Variants in KHDRBS2 observed in about 807,000 individuals in gnomAD.
KHDRBS2 encodes KH RNA binding domain containing, signal transduction associated 2, also known as KH domain-containing, RNA-binding, signal transduction-associated protein 2.
KHDRBS2 carries 26 observed loss-of-function variants against 44.3 expected under a neutral mutation model. That is an observed-to-expected ratio of 0.59 (90% confidence interval 0.43 to 0.81). The LOEUF is 0.81. Ranked by LOEUF, KHDRBS2 falls within the 40% of genes least tolerant of loss-of-function variation. KHDRBS2 has a pLI of 0.00. For synonymous variants in KHDRBS2, 194 were observed against 151.1 expected, an observed-to-expected ratio of 1.28 and a Z score of -2.08; for missense variants, 476 against 433.1, an observed-to-expected ratio of 1.10 and a Z score of -0.88.
the KHDRBS2 span, among the ~76,000 whole-genome samples, chr6:61,674,876 T>G: frequency 1.3e-5 from 2 of 151,702 alleles, no homozygotes; most frequent in South Asian, 2.1e-4. Context: ...ATAGAGAGAA[T>G]GATATAAGGA....
At chr6:61,716,423 T>C (rs1418941277) in intron 7 of KHDRBS2, among the ~76,000 whole-genome samples, 1 of 152,034 alleles carries the variant, frequency 6.6e-6, no homozygotes, top group Non-Finnish European at 1.5e-5. Flanking sequence ...AAAAAATTCC[T>C]GAGCATAGTA....
At chr6:62,173,021 A>G (rs1163594453) in intron 2 of KHDRBS2, among the ~76,000 whole-genome samples, 1 of 152,036 alleles carries the variant, frequency 6.6e-6, no homozygotes, top group African/African-American at 2.4e-5. Flanking sequence ...CATGACACCT[A>G]GAGGAAGTAG....
At chr6:62,151,564 C>T (rs906883946) in intron 2 of KHDRBS2, among the ~76,000 whole-genome samples, 7 of 152,120 alleles carry the variant, frequency 4.6e-5, no homozygotes, top group African/African-American at 1.4e-4. Context: ...TAATCTTCTC[C>T]AGGCCTATAT....
intron 2 of KHDRBS2, among the ~76,000 whole-genome samples, chr6:62,086,029 C>T (rs1798312656): frequency 1.3e-5 from 2 of 151,984 alleles, no homozygotes; most frequent in African/African-American, 4.8e-5. Context: ...TGAAAGGGTG[C>T]TAAGTGGAAA....
chr6:61,970,694 A>C (rs1771191708), intron 4 of KHDRBS2, among the ~76,000 whole-genome samples: 1 of 152,080 alleles, frequency 6.6e-6, no homozygotes, highest in Non-Finnish European at 1.5e-5. Flanking sequence ...TGAAATTAAG[A>C]CTCAAACCAA....
chr6:62,210,246 G>C (rs1250287810), intron 1 of KHDRBS2, among the ~76,000 whole-genome samples: 3 of 150,894 alleles, frequency 2.0e-5, no homozygotes, highest in Admixed American at 2.0e-4. Context: ...ATTTAGTTCT[G>C]ATAAGCAGAA....
chr6:61,741,381 T>G (rs1009820194), intron 6 of KHDRBS2, among the ~76,000 whole-genome samples: 1 of 151,952 alleles, frequency 6.6e-6, no homozygotes, highest in Non-Finnish European at 1.5e-5. Context: ...ATAAAAATAG[T>G]TTAGAAACAT....
At chr6:61,990,927 C>T (rs762846223) in intron 3 of KHDRBS2, among the ~76,000 whole-genome samples, 5 of 152,114 alleles carry the variant, frequency 3.3e-5, no homozygotes, top group Admixed American at 6.5e-5. Context: ...CCAGGATGGT[C>T]TCAATCTCCT....
chr6:61,625,810 C>T, the KHDRBS2 span, among the ~76,000 whole-genome samples: 111 of 152,236 alleles, frequency 7.3e-4, no homozygotes, highest in South Asian at 4.8e-3. Flanking sequence ...AGGATTCAAA[C>T]GGGCACATCA....
chr6:62,156,740 C>T lies in KHDRBS2; in HGVS notation c.219+20445G>A, dbSNP rs747031288. On this transcript the variant is annotated intron_variant, in intron 2 of 8. Coordinates refer to ENST00000281156, the MANE Select transcript of KHDRBS2 (RefSeq NM_152688.4). ...GGAGTGCAGTGCAGTGGCGTGATCT[C>T]GGCTCACTGCAAGCTCCGCCTCCCG... is the stretch of plus-strand genomic sequence containing the variant. Among the ~76,000 whole-genome samples the T allele has an allele frequency of 7.9e-5, 12 of 151,868 alleles. No individual in the cohort carries two copies. In the South Asian group the frequency reaches 1.0e-3, roughly 13 times the overall value.
intron 6 of KHDRBS2, among the ~76,000 whole-genome samples, chr6:61,755,808 A>AG (rs1027078503): frequency 1.4e-4 from 21 of 152,098 alleles, no homozygotes; most frequent in Non-Finnish European, 2.2e-4. Context: ...TCAAAAAAAA[A>AG]AAAAAAAAAT....
At chr6:61,661,532 T>G in the KHDRBS2 span, among the ~76,000 whole-genome samples, 2 of 151,946 alleles carry the variant, frequency 1.3e-5, no homozygotes, top group African/African-American at 4.8e-5. Context: ...CAACCTTTTG[T>G]ATTTAAGGGC....
intron 1 of KHDRBS2, among the ~76,000 whole-genome samples, chr6:62,189,239 C>A (rs570584958): frequency 6.6e-6 from 1 of 152,096 alleles, no homozygotes; most frequent in Non-Finnish European, 1.5e-5. Flanking sequence ...TTGTGAGGAA[C>A]TGAAGCCTTT....
At chr6:61,673,367 A>G in the KHDRBS2 span, among the ~76,000 whole-genome samples, 1 of 151,888 alleles carries the variant, frequency 6.6e-6, no homozygotes, top group South Asian at 2.1e-4. Flanking sequence ...CTGGCACAAG[A>G]CAGGGATGCC....
At chr6:61,595,443 G>A in the KHDRBS2 span, among the ~76,000 whole-genome samples, 5 of 152,028 alleles carry the variant, frequency 3.3e-5, no homozygotes, top group Non-Finnish European at 5.9e-5. Flanking sequence ...AGAAATCTAT[G>A]TCATTTTTTT....
At chr6:62,191,596 A>AT (rs1824625326) in intron 1 of KHDRBS2, among the ~76,000 whole-genome samples, 5 of 152,142 alleles carry the variant, frequency 3.3e-5, no homozygotes, top group African/African-American at 1.2e-4. Flanking sequence ...TCATTACAAT[A>AT]GATAACTTAG....
chr6:61,565,620 T>C, the KHDRBS2 span, among the ~76,000 whole-genome samples: 1 of 152,082 alleles, frequency 6.6e-6, no homozygotes, highest in East Asian at 1.9e-4. Context: ...TGAGATATTA[T>C]TTTACCCCAG....
chr6:62,117,536 T>G (rs1806564056), intron 2 of KHDRBS2, among the ~76,000 whole-genome samples: 1 of 152,156 alleles, frequency 6.6e-6, no homozygotes, highest in Non-Finnish European at 1.5e-5. Context: ...CTTCAAATAT[T>G]TTTTCCTATT....
chr6:61,868,803 C>A (rs1798168925), intron 6 of KHDRBS2, among the ~76,000 whole-genome samples: 1 of 152,164 alleles, frequency 6.6e-6, no homozygotes, highest in Non-Finnish European at 1.5e-5. Flanking sequence ...GCATTCAGCC[C>A]CCTTCCAAGG....
Sources: allele counts gnomAD v4.1 joint callset (sites outside exome capture counted in the v4.1 genomes callset), GRCh38; gene constraint gnomAD v4.1.1; transcripts MANE v1.5; gene names NCBI Gene and HGNC (gene_info 2026-07-23, HGNC 2026-07-21).